BRINP2: variants seen among roughly 807,000 people sequenced by gnomAD.
BRINP2 encodes the protein BMP/retinoic acid inducible neural specific 2.
A neutral mutation model predicts 69.2 loss-of-function variants in BRINP2; 21 were observed. The ratio of observed to expected loss-of-function variants is 0.30; its 90% CI spans 0.22 to 0.44. The LOEUF is 0.44. BRINP2 is among the 20% of genes least tolerant of loss of function. BRINP2 has a pLI of 1.00. For missense variants in BRINP2, 877 were observed against 986.0 expected (o/e 0.89, Z 1.48); for synonymous variants, 380 against 394.1 (o/e 0.96, Z 0.42).
intron 1 of BRINP2, among the ~76,000 whole-genome samples, chr1:177,206,639 C>T (rs1011804496): frequency 1.3e-5 from 2 of 152,176 alleles, no homozygotes; most frequent in Non-Finnish European, 2.9e-5. Flanking sequence ...ACACACATGC[C>T]TGAAGAACTG....
intron 7 of BRINP2, among the ~76,000 whole-genome samples, chr1:177,279,946 A>C (rs2102365644): frequency 6.6e-6 from 1 of 152,306 alleles, no homozygotes; most frequent in East Asian, 1.9e-4. Context: ...TTTTAAGAGA[A>C]TCAGCCATAT....
intron 1 of BRINP2, among the ~76,000 whole-genome samples, chr1:177,183,111 C>A (rs898918922): frequency 9.7e-6 from 1 of 102,934 alleles, no homozygotes; most frequent in Admixed American, 1.1e-4. Flanking sequence ...AACTAGATTT[C>A]TTTCCAGGTG....
At chr1:177,182,959 CT>C (rs1055234536) in intron 1 of BRINP2, among the ~76,000 whole-genome samples, 5 of 150,370 alleles carry the variant, frequency 3.3e-5, no homozygotes, top group South Asian at 2.1e-4. Flanking sequence ...TGTTGTTTTT[CT>C]TTTTTTTTCT....
At chr1:177,198,390 G>A (rs1558156033) in intron 1 of BRINP2, among the ~76,000 whole-genome samples, 1 of 152,192 alleles carries the variant, frequency 6.6e-6, no homozygotes. Context: ...CAATGAGCAT[G>A]TGGTGCCTAT....
Position 177,230,019 on chromosome 1 carries a change from C to T in BRINP2, c.143C>T (p.Ser48Phe). The change falls in exon 2 of 8, where the codon TCC (serine) becomes TTC (phenylalanine). Residue 48 changes from serine (S) to phenylalanine (F), a missense_variant. By Grantham distance (155) the Ser-to-Phe change is radical (BLOSUM62 -2). Coordinates refer to ENST00000361539, the MANE Select transcript of BRINP2 (RefSeq NM_021165.4). Reference protein sequence around the residue: ...AAAVVPEQHASVAGQHPLDWL... With the variant: ...AAAVVPEQHAFVAGQHPLDWL... ...GCTGTGGTCCCCGAGCAGCATGCCT[C>T]CGTAGCTGGCCAGCATCCCCTGGAC... is the stretch of plus-strand genomic sequence containing the variant. 3.1e-6 allele frequency: 5 copies of T among 1,613,718 alleles called. No individual in the cohort carries two copies. The highest frequency in any genetic ancestry group is 3.4e-6 in the Non-Finnish European group (4 of 1,179,996).
chr1:177,277,415 GA>G (rs966952950), intron 6 of BRINP2, among the ~76,000 whole-genome samples: 5 of 150,864 alleles, frequency 3.3e-5, no homozygotes, highest in Admixed American at 1.3e-4. Context: ...ATTTCTTAAA[GA>G]AAAAAAAATC....
intron 1 of BRINP2, among the ~76,000 whole-genome samples, chr1:177,211,294 C>T (rs967217003): frequency 3.9e-5 from 6 of 152,012 alleles, no homozygotes; most frequent in African/African-American, 7.3e-5. Context: ...CTGTGTGCTT[C>T]GTAGTAATTT....
chr1:177,261,428 A>C (rs1650951906), intron 4 of BRINP2, among the ~76,000 whole-genome samples: 1 of 152,252 alleles, frequency 6.6e-6, no homozygotes, highest in South Asian at 2.1e-4. Flanking sequence ...GATTGGAAGA[A>C]AGGAATAAAG....
intron 3 of BRINP2, chr1:177,256,872 G>A: frequency 8.3e-7 from 1 of 1,207,562 alleles, no homozygotes; most frequent in Non-Finnish European, 1.0e-6. Context: ...TTGAGAGAGA[G>A]AATTGTGTCT....
At chr1:177,198,917 C>T (rs1218385094) in intron 1 of BRINP2, among the ~76,000 whole-genome samples, 1 of 152,148 alleles carries the variant, frequency 6.6e-6, no homozygotes, top group Non-Finnish European at 1.5e-5. Flanking sequence ...AGTCATTTCT[C>T]ATATCTGATG....
At chr1:177,250,599 A>G (rs1421269553) in intron 2 of BRINP2, among the ~76,000 whole-genome samples, 1 of 152,254 alleles carries the variant, frequency 6.6e-6, no homozygotes, top group Non-Finnish European at 1.5e-5. Flanking sequence ...TGCTGGGATT[A>G]CAGGCATGAA....
chr1:177,214,050 A>C (rs923619140), intron 1 of BRINP2, among the ~76,000 whole-genome samples: 4 of 152,176 alleles, frequency 2.6e-5, no homozygotes, highest in Admixed American at 2.0e-4. Flanking sequence ...GGGGGCTCTT[A>C]ATTTTGCACA....
At chr1:177,241,515 T>G (rs1281621887) in intron 2 of BRINP2, among the ~76,000 whole-genome samples, 1 of 152,144 alleles carries the variant, frequency 6.6e-6, no homozygotes, top group East Asian at 1.9e-4. Flanking sequence ...CTCCTTCCCC[T>G]CCTCTCGCAT....
At chr1:177,249,215 G>T (rs1052203750) in intron 2 of BRINP2, among the ~76,000 whole-genome samples, 7 of 152,188 alleles carry the variant, frequency 4.6e-5, no homozygotes, top group South Asian at 2.1e-4. Flanking sequence ...CATTGTTTTG[G>T]TTTTTATTAA....
chr1:177,276,757 T>A (rs1423665117), intron 6 of BRINP2, among the ~76,000 whole-genome samples: 2 of 152,214 alleles, frequency 1.3e-5, no homozygotes, highest in Non-Finnish European at 2.9e-5. Context: ...TGCTTGCACA[T>A]AAGGTTCGCT....
At chr1:177,265,327 A>T (rs111493868) in intron 4 of BRINP2, among the ~76,000 whole-genome samples, 35 of 152,322 alleles carry the variant, frequency 2.3e-4, no homozygotes, top group African/African-American at 7.2e-4. Flanking sequence ...AAAGACTTAA[A>T]CCATAAAAAC....
At chr1:177,277,489 C>A (rs983959285) in intron 6 of BRINP2, among the ~76,000 whole-genome samples, 2 of 151,504 alleles carry the variant, frequency 1.3e-5, no homozygotes, top group Admixed American at 1.3e-4. Context: ...TCTTTTTGCT[C>A]TGCATGCTCT....
chr1:177,255,231 T>C (rs927130225), intron 2 of BRINP2, among the ~76,000 whole-genome samples: 1 of 152,196 alleles, frequency 6.6e-6, no homozygotes, highest in Non-Finnish European at 1.5e-5. Context: ...TTTGCAAACA[T>C]GCAAAGCCAT....
At position 177,192,187 on chromosome 1, in the gene BRINP2, G is replaced by A. The variant is rs549962188; in HGVS notation, c.-77+20455G>A. Among the ~76,000 whole-genome samples, 17 of 152,178 alleles carry A rather than the reference G, an allele frequency of 1.1e-4. No homozygotes were observed. In the East Asian group the frequency reaches 1.7e-3, roughly 16 times the overall value. On this transcript the variant is annotated intron_variant, in intron 1 of 7. Transcript: ENST00000361539. ...TCTCCTGTAAACCTAATTTCCTCTCGTTACTTTTCATCTTTGGTGGGAATC... is the reference window on the plus strand; with the variant it reads ...TCTCCTGTAAACCTAATTTCCTCTCATTACTTTTCATCTTTGGTGGGAATC...
Sources: gnomAD v4.1 joint callset for allele counts (sites outside exome capture counted in the v4.1 genomes callset) on GRCh38, gnomAD v4.1.1 for gene constraint, MANE v1.5 for transcripts, NCBI Gene and HGNC (gene_info 2026-07-23, HGNC 2026-07-21) for gene names.